Variants in TEX26 observed in about 807,000 individuals in gnomAD.
TEX26 encodes testis-expressed protein 26.
In TEX26, 34 loss-of-function variants were observed where a neutral mutation model predicts 35.3. The observed-to-expected ratio is 0.96, with a 90% CI of 0.73 to 1.28. The LOEUF (loss-of-function observed/expected upper bound fraction) is 1.28, where lower values mean the gene tolerates loss of function less well. Ranked by LOEUF, TEX26 falls within the 50% of genes most tolerant of loss-of-function variation. The pLI is 0.00. For synonymous variants in TEX26, 136 were observed against 111.8 expected, an observed-to-expected ratio of 1.22 and a Z score of -1.36; for missense variants, 371 against 330.1, an observed-to-expected ratio of 1.12 and a Z score of -0.96.
intron 1 of TEX26, among the ~76,000 whole-genome samples, chr13:30,936,057 G>A (rs1257483577): frequency 6.6e-6 from 1 of 152,150 alleles, no homozygotes; most frequent in Admixed American, 6.5e-5. Context: ...TCCCAATAAA[G>A]TAAGATTCAC....
intron 3 of TEX26, among the ~76,000 whole-genome samples, chr13:30,953,857 C>T (rs949493195): frequency 1.2e-4 from 18 of 152,108 alleles, no homozygotes; most frequent in Admixed American, 1.2e-3. Context: ...GATGGGACAA[C>T]CTGGGATGGA....
At chr13:30,965,319 C>T (rs1284690322) in intron 4 of TEX26, among the ~76,000 whole-genome samples, 1 of 152,114 alleles carries the variant, frequency 6.6e-6, no homozygotes, top group East Asian at 1.9e-4. Flanking sequence ...CCAGTAGGTA[C>T]CATTATAAAT....
At chr13:30,941,919 C>A (rs2138192139) in intron 2 of TEX26, among the ~76,000 whole-genome samples, 1 of 152,096 alleles carries the variant, frequency 6.6e-6, no homozygotes, top group South Asian at 2.1e-4. Flanking sequence ...AATCAATGGG[C>A]CCTTAGGTTG....
intron 5 of TEX26, among the ~76,000 whole-genome samples, chr13:30,967,281 G>T (rs1008748256): frequency 7.9e-5 from 12 of 152,138 alleles, no homozygotes; most frequent in African/African-American, 2.9e-4. Context: ...GCACCTTGGG[G>T]TTAGAAGGTG....
intron 5 of TEX26, among the ~76,000 whole-genome samples, chr13:30,967,344 A>G (rs2138334038): frequency 6.6e-6 from 1 of 152,216 alleles, no homozygotes; most frequent in Middle Eastern, 3.4e-3. Context: ...TCCTGACTCC[A>G]TCCTTGCCAA....
At chr13:30,972,805 T>C (rs1285246570) in intron 6 of TEX26, among the ~76,000 whole-genome samples, 1 of 152,220 alleles carries the variant, frequency 6.6e-6, no homozygotes, top group Non-Finnish European at 1.5e-5. Context: ...CAGCTAATTT[T>C]TTTGTATTTT....
intron 2 of TEX26, among the ~76,000 whole-genome samples, chr13:30,941,869 G>GTA (rs531708649): frequency 4.0e-4 from 60 of 151,898 alleles, no homozygotes; most frequent in East Asian, 1.4e-3. Context: ...ATTCCATGGT[G>GTA]TATATATATA....
chr13:30,946,508 T>C (rs1953717125), intron 2 of TEX26, among the ~76,000 whole-genome samples: 1 of 152,044 alleles, frequency 6.6e-6, no homozygotes, highest in Non-Finnish European at 1.5e-5. Flanking sequence ...GGGGATGTTA[T>C]AGAACCTTGT....
intron 3 of TEX26, 59 bp from the exon 4 acceptor site, chr13:30,956,814 A>C: frequency 3.5e-6 from 5 of 1,448,150 alleles, no homozygotes; most frequent in Non-Finnish European, 3.9e-6. Context: ...CACTCAGATT[A>C]TTGATCCTAT....
At chr13:30,941,291 G>A (rs1179747357) in intron 2 of TEX26, among the ~76,000 whole-genome samples, 1 of 152,166 alleles carries the variant, frequency 6.6e-6, no homozygotes, top group Non-Finnish European at 1.5e-5. Context: ...TGAGTTACTA[G>A]CTATCCCAGT....
Position 30,966,247 on chromosome 13 carries a change from C to T in TEX26, c.495C>T (p.His165=), listed in dbSNP as rs1420219389. ...SKAQKIKKSS[H]LSLEWKKLLP... is the part of the protein sequence containing the mutation. ...CTCAGAAGATTAAGAAAAGTTCTCA[C>T]TTGTCTCTGGAATGGAAAAAGTTAC... Residue 165 remains histidine, a synonymous_variant, in exon 5 of 7, where the codon CAC becomes CAT. Transcript: ENST00000380473. 3.1e-6 allele frequency: 5 copies of T among 1,613,914 alleles called. No individual in the cohort carries two copies. In the Admixed American group the frequency reaches 8.3e-5, roughly 27 times the overall value.
chr13:30,952,847 T>C, intron 3 of TEX26, 22 bp downstream of exon 3: 8 of 1,602,756 alleles, frequency 5.0e-6, no homozygotes, highest in Non-Finnish European at 6.8e-6. Context: ...TCTACATATG[T>C]GTTGAATTTA....
At chr13:30,974,129 A>ATATATATATATATATATAT (rs1555271800) in intron 6 of TEX26, among the ~76,000 whole-genome samples, 2 of 79,028 alleles carry the variant, frequency 2.5e-5, no homozygotes, top group African/African-American at 8.9e-5. Context: ...TAAAAAAAAA[A>ATATATATATATATATATAT]AAATATATAT....
At chr13:30,970,615 G>A (rs1459971768) in intron 6 of TEX26, among the ~76,000 whole-genome samples, 1 of 152,192 alleles carries the variant, frequency 6.6e-6, no homozygotes, top group African/African-American at 2.4e-5. Context: ...GTTGGACCCT[G>A]TAGAAAGAGG....
intron 1 of TEX26, chr13:30,933,745 G>A (rs1331204635): frequency 6.6e-6 from 1 of 152,102 alleles, no homozygotes; most frequent in East Asian, 1.9e-4. Context: ...AGAGGAGGGA[G>A]GATCCCCTCC....
At chr13:30,938,982 C>G (rs1953375673) in intron 1 of TEX26, among the ~76,000 whole-genome samples, 1 of 152,206 alleles carries the variant, frequency 6.6e-6, no homozygotes, top group Non-Finnish European at 1.5e-5. Context: ...TTTGCACAAC[C>G]ATTACAAGAC....
intron 1 of TEX26, among the ~76,000 whole-genome samples, chr13:30,936,256 T>C (rs568824264): frequency 9.2e-5 from 14 of 152,218 alleles, no homozygotes; most frequent in Non-Finnish European, 2.1e-4. Context: ...TTTTTTAAGC[T>C]TTATATTTTC....
At chr13:30,962,845 C>T (rs541833239) in intron 4 of TEX26, among the ~76,000 whole-genome samples, 4 of 150,746 alleles carry the variant, frequency 2.7e-5, no homozygotes, top group South Asian at 2.1e-4. Context: ...TTTTTTGAGA[C>T]GGAGTCTCAC....
intron 4 of TEX26, among the ~76,000 whole-genome samples, chr13:30,957,768 C>T (rs1027739788): frequency 2.6e-5 from 4 of 152,204 alleles, no homozygotes; most frequent in African/African-American, 9.6e-5. Flanking sequence ...TTTTGGCTCA[C>T]ATTGTCTCAC....
Sources: allele counts gnomAD v4.1 joint callset (sites outside exome capture counted in the v4.1 genomes callset), GRCh38; gene constraint gnomAD v4.1.1; transcripts MANE v1.5; gene names NCBI Gene and HGNC (gene_info 2026-07-23, HGNC 2026-07-21).